LOC122539214: variants seen among roughly 807,000 people sequenced by gnomAD.
the LOC122539214 span, among the ~76,000 whole-genome samples, chr19:52,671,229 A>T: frequency 6.6e-6 from 1 of 152,178 alleles, no homozygotes; most frequent in African/African-American, 2.4e-5. Flanking sequence ...GACTCTTTAC[A>T]TAGGAATTTG....
the LOC122539214 span, among the ~76,000 whole-genome samples, chr19:52,666,919 GAA>G: frequency 2.0e-5 from 3 of 152,288 alleles, no homozygotes; most frequent in East Asian, 5.8e-4. Context: ...GCAGAGTTAG[GAA>G]AATTGCCTAA....
At chr19:52,687,762 C>T in the LOC122539214 span, among the ~76,000 whole-genome samples, 1,644 of 146,168 alleles carry the variant, frequency 0.011, 35 homozygotes, top group African/African-American at 0.039. Flanking sequence ...GGGGCCAAGG[C>T]TGCAGTTAGA....
chr19:52,659,995 A>G, the LOC122539214 span, among the ~76,000 whole-genome samples: 4 of 152,190 alleles, frequency 2.6e-5, no homozygotes, highest in African/African-American at 4.8e-5. Flanking sequence ...GTTCGAGACC[A>G]GTCTGGCCAA....
the LOC122539214 span, among the ~76,000 whole-genome samples, chr19:52,679,803 T>C: frequency 6.6e-6 from 1 of 152,096 alleles, no homozygotes; most frequent in Admixed American, 6.6e-5. Context: ...TTATGCAAAC[T>C]CACTCCATAG....
chr19:52,671,263 T>A, the LOC122539214 span, among the ~76,000 whole-genome samples: 1 of 152,178 alleles, frequency 6.6e-6, no homozygotes, highest in Non-Finnish European at 1.5e-5. Context: ...AATCAGAGCT[T>A]ACACCTCATT....
chr19:52,665,449 C>T, the LOC122539214 span, among the ~76,000 whole-genome samples: 1 of 152,080 alleles, frequency 6.6e-6, no homozygotes, highest in African/African-American at 2.4e-5. Flanking sequence ...GACCTTGTAA[C>T]AGTGCATATA....
the LOC122539214 span, among the ~76,000 whole-genome samples, chr19:52,687,294 A>C: frequency 6.9e-6 from 1 of 144,582 alleles, no homozygotes; most frequent in East Asian, 2.0e-4. Flanking sequence ...TTTTGAGACC[A>C]GCTTGGGAAT....
the LOC122539214 span, among the ~76,000 whole-genome samples, chr19:52,654,614 C>T: frequency 7.9e-5 from 12 of 152,066 alleles, no homozygotes; most frequent in African/African-American, 1.4e-4. Flanking sequence ...CTACTCAGGA[C>T]GCTGAGGCAG....
the LOC122539214 span, among the ~76,000 whole-genome samples, chr19:52,687,645 A>G: frequency 1.9e-4 from 5 of 26,900 alleles, no homozygotes; most frequent in African/African-American, 2.0e-3. Context: ...ATATATATAT[A>G]TATATATATA....
chr19:52,650,723 C>T, the LOC122539214 span: 2 of 152,224 alleles, frequency 1.3e-5, no homozygotes, highest in African/African-American at 4.8e-5. Context: ...GAAACCCGAT[C>T]AACCAATGTT....
chr19:52,657,854 A>G, the LOC122539214 span, among the ~76,000 whole-genome samples: 2 of 151,350 alleles, frequency 1.3e-5, no homozygotes, highest in Admixed American at 1.3e-4. Flanking sequence ...TCTAAAAAAA[A>G]AAACAGGCAT....
the LOC122539214 span, among the ~76,000 whole-genome samples, chr19:52,680,644 GCT>G: frequency 1.8e-5 from 2 of 112,864 alleles, no homozygotes; most frequent in Non-Finnish European, 3.3e-5. Flanking sequence ...ACGGAGTCTC[GCT>G]CTGTCGCCCA....
At chr19:52,653,135 C>T in the LOC122539214 span, 1 of 1,470,568 alleles carries the variant, frequency 6.8e-7, no homozygotes, top group Non-Finnish European at 9.5e-7. Context: ...TTGCCACACT[C>T]ATGACAGTTG....
chr19:52,684,765 A>T, the LOC122539214 span, among the ~76,000 whole-genome samples: 18 of 152,184 alleles, frequency 1.2e-4, no homozygotes, highest in South Asian at 8.3e-4. Flanking sequence ...AGGGACAATG[A>T]CCTGAGACAG....
chr19:52,679,811 T>G, the LOC122539214 span, among the ~76,000 whole-genome samples: 6 of 152,086 alleles, frequency 3.9e-5, no homozygotes, highest in Non-Finnish European at 5.9e-5. Context: ...ACTCACTCCA[T>G]AGGGGAGTGC....
the LOC122539214 span, among the ~76,000 whole-genome samples, chr19:52,687,597 ATGT>A: frequency 6.7e-5 from 1 of 14,974 alleles, no homozygotes; most frequent in African/African-American, 6.4e-4. Context: ...TATATATATA[ATGT>A]ATATATATAT....
At chr19:52,662,155 A>G in the LOC122539214 span, among the ~76,000 whole-genome samples, 13 of 152,228 alleles carry the variant, frequency 8.5e-5, no homozygotes, top group African/African-American at 2.7e-4. Flanking sequence ...TCATGTATAC[A>G]CACAACTTTT....
At chr19:52,669,109 T>C in the LOC122539214 span, among the ~76,000 whole-genome samples, 1 of 152,252 alleles carries the variant, frequency 6.6e-6, no homozygotes, top group Non-Finnish European at 1.5e-5. Context: ...AGTGGTATTA[T>C]GGTGGACCTT....
chr19:52,661,024 A>G, the LOC122539214 span, among the ~76,000 whole-genome samples: 5 of 151,878 alleles, frequency 3.3e-5, no homozygotes, highest in African/African-American at 1.2e-4. Flanking sequence ...TCCACGATGC[A>G]CAGCTAATTT....
Sources: allele counts gnomAD v4.1 joint callset (sites outside exome capture counted in the v4.1 genomes callset), GRCh38; gene constraint gnomAD v4.1.1; transcripts MANE v1.5.